SGCZ: variants seen among roughly 807,000 people sequenced by gnomAD.
SGCZ encodes the protein zeta-sarcoglycan.
Under a neutral mutation model 41.3 loss-of-function variants are expected in SGCZ, and 40 were observed. That is an observed-to-expected ratio of 0.97 (90% CI 0.75 to 1.26). The LOEUF is 1.26. SGCZ is among the 50% of genes most tolerant of loss of function. The pLI is 0.00. For missense variants in SGCZ, 552 were observed against 369.8 expected (o/e 1.49, Z -4.04); for synonymous variants, 206 against 137.5 (o/e 1.50, Z -3.49).
At chr8:14,961,978 A>G (rs1486497114) in intron 1 of SGCZ, among the ~76,000 whole-genome samples, 1 of 152,180 alleles carries the variant, frequency 6.6e-6, no homozygotes, top group Non-Finnish European at 1.5e-5. Context: ...CACTGATTAT[A>G]TCATCCTTTA....
At chr8:14,388,270 C>T (rs1804642795) in intron 2 of SGCZ, among the ~76,000 whole-genome samples, 1 of 151,970 alleles carries the variant, frequency 6.6e-6, no homozygotes, top group African/African-American at 2.4e-5. Flanking sequence ...TAAAATATCA[C>T]AGTTGCAGCC....
At chr8:14,424,807 T>C (rs965002577) in intron 2 of SGCZ, among the ~76,000 whole-genome samples, 5 of 152,208 alleles carry the variant, frequency 3.3e-5, no homozygotes, top group African/African-American at 1.2e-4. Flanking sequence ...TCTTCCTTCA[T>C]TTATCTTTCT....
rs75054512 is a variant in SGCZ, at chr8:14,394,143, CTTTTTTTTT to C, written c.235-69948_235-69940del. ...CATGCACTGCCCTACCGCCCCCCAC[CTTTTTTTTT>C]TTTTTTTTTTTTTTTTGAGATTTAG... On this transcript the variant is annotated intron_variant, in intron 2 of 7. Transcript: ENST00000382080. Among the ~76,000 whole-genome samples the C allele has an allele frequency of 3.3e-3, 386 of 117,480 alleles. 7 individuals carry two copies. The highest frequency in any genetic ancestry group is 0.011 in the African/African-American group (365 of 33,366). 77.1% of individuals were successfully genotyped at this position (117,480 alleles called of 152,430 possible). A position where few individuals can be genotyped will look rare whatever the true frequency, so the allele number is the denominator to read the frequency against.
intron 1 of SGCZ, among the ~76,000 whole-genome samples, chr8:14,681,306 C>A (rs995553884): frequency 2.6e-5 from 4 of 152,154 alleles, no homozygotes; most frequent in Non-Finnish European, 4.4e-5. Context: ...ACAATGCAAG[C>A]CACAAGACAA....
intron 1 of SGCZ, among the ~76,000 whole-genome samples, chr8:14,958,012 C>A (rs889912941): frequency 2.6e-5 from 4 of 152,108 alleles, no homozygotes; most frequent in African/African-American, 9.6e-5. Context: ...AAGAAATTAG[C>A]ACACTAAAAA....
At chr8:14,224,489 G>T (rs1403571379) in intron 4 of SGCZ, among the ~76,000 whole-genome samples, 1 of 152,178 alleles carries the variant, frequency 6.6e-6, no homozygotes, top group Non-Finnish European at 1.5e-5. Context: ...CCCTGGCTTT[G>T]TGATAAAAAT....
intron 1 of SGCZ, among the ~76,000 whole-genome samples, chr8:14,692,131 C>T (rs925758107): frequency 4.6e-5 from 7 of 151,650 alleles, no homozygotes; most frequent in East Asian, 1.9e-4. Flanking sequence ...AATAAAATCC[C>T]GGTTGCATCT....
At chr8:15,140,275 T>C (rs559815393) in intron 1 of SGCZ, among the ~76,000 whole-genome samples, 1 of 152,138 alleles carries the variant, frequency 6.6e-6, no homozygotes, top group Non-Finnish European at 1.5e-5. Flanking sequence ...TCCTCCCACA[T>C]TGGCCTCCCA....
intron 2 of SGCZ, among the ~76,000 whole-genome samples, chr8:14,354,841 T>C (rs2117114484): frequency 6.6e-6 from 1 of 152,006 alleles, no homozygotes; most frequent in Non-Finnish European, 1.5e-5. Context: ...TGTTTAATTA[T>C]TCTGTTAGTA....
At chr8:15,086,206 T>C (rs1331201572) in intron 1 of SGCZ, among the ~76,000 whole-genome samples, 1 of 152,196 alleles carries the variant, frequency 6.6e-6, no homozygotes, top group Non-Finnish European at 1.5e-5. Flanking sequence ...TGAAAGATGC[T>C]TCTTGCAGCA....
intron 2 of SGCZ, among the ~76,000 whole-genome samples, chr8:14,326,410 A>G (rs1195513160): frequency 6.6e-6 from 1 of 152,116 alleles, no homozygotes; most frequent in African/African-American, 2.4e-5. Flanking sequence ...AAGAGAGAAA[A>G]AAACGAATAG....
At chr8:15,116,211 T>TA (rs757554678) in intron 1 of SGCZ, among the ~76,000 whole-genome samples, 10 of 152,036 alleles carry the variant, frequency 6.6e-5, no homozygotes, top group East Asian at 5.8e-4. Context: ...GCTCTGTATT[T>TA]AAAAAAAATA....
At chr8:14,118,316 G>T (rs1802587570) in intron 5 of SGCZ, among the ~76,000 whole-genome samples, 1 of 152,140 alleles carries the variant, frequency 6.6e-6, no homozygotes, top group Non-Finnish European at 1.5e-5. Flanking sequence ...TTTCTCTAAT[G>T]ACCAGTGATG....
intron 1 of SGCZ, among the ~76,000 whole-genome samples, chr8:14,787,181 C>T (rs982770327): frequency 1.3e-5 from 2 of 152,108 alleles, no homozygotes; most frequent in Admixed American, 1.3e-4. Context: ...GACTTAAAAT[C>T]CCCATCTGCA....
chr8:14,451,696 A>C (rs1415069264), intron 2 of SGCZ, among the ~76,000 whole-genome samples: 2 of 152,228 alleles, frequency 1.3e-5, no homozygotes, highest in African/African-American at 4.8e-5. Context: ...CTTAATACAC[A>C]TTGCACACTG....
At chr8:14,478,992 G>A (rs559138915) in intron 2 of SGCZ, among the ~76,000 whole-genome samples, 1 of 152,226 alleles carries the variant, frequency 6.6e-6, no homozygotes, top group East Asian at 1.9e-4. Flanking sequence ...CCCTCTAACT[G>A]TGACTAGGTC....
chr8:14,816,434 T>A (rs1486420905), intron 1 of SGCZ, among the ~76,000 whole-genome samples: 5 of 152,238 alleles, frequency 3.3e-5, no homozygotes, highest in African/African-American at 1.2e-4. Context: ...AGTACAATGT[T>A]ATATTCACTG....
intron 1 of SGCZ, among the ~76,000 whole-genome samples, chr8:14,748,021 T>C (rs2130306190): frequency 6.6e-6 from 1 of 152,066 alleles, no homozygotes. Context: ...TAATCATGTT[T>C]TTAAAATGAA....
chr8:14,987,642 G>C (rs1454724343), intron 1 of SGCZ, among the ~76,000 whole-genome samples: 1 of 151,866 alleles, frequency 6.6e-6, no homozygotes, highest in Non-Finnish European at 1.5e-5. Context: ...AGTATTCCAA[G>C]AATCTTTTGG....
Sources: gnomAD v4.1 joint callset for allele counts (sites outside exome capture counted in the v4.1 genomes callset) on GRCh38, gnomAD v4.1.1 for gene constraint, MANE v1.5 for transcripts, NCBI Gene and HGNC (gene_info 2026-07-23, HGNC 2026-07-21) for gene names.